The following PAX2 variants were observed in gnomAD, a reference collection of about 807,000 sequenced individuals.
PAX2 encodes paired box 2.
Under a neutral mutation model 41.7 loss-of-function variants are expected in PAX2, and 9 were observed. The ratio of observed to expected loss-of-function variants is 0.22; its 90% CI spans 0.13 to 0.38. The LOEUF is 0.38. PAX2 is among the 10% of genes least tolerant of loss of function. PAX2 has a pLI of 1.00. For synonymous variants in PAX2, 221 were observed against 212.7 expected (o/e 1.04, Z -0.34); for missense variants, 418 against 531.6 (o/e 0.79, Z 2.10).
intron 5 of PAX2, among the ~76,000 whole-genome samples, chr10:100,800,381 C>G (rs1332062465): frequency 2.0e-5 from 3 of 147,834 alleles, no homozygotes; most frequent in African/African-American, 2.5e-5. Flanking sequence ...CAGGCTTAAG[C>G]AATACTCCCG....
intron 5 of PAX2, among the ~76,000 whole-genome samples, chr10:100,792,248 T>C (rs929486649): frequency 1.3e-5 from 2 of 152,248 alleles, no homozygotes; most frequent in African/African-American, 4.8e-5. Context: ...TCTGGACTCT[T>C]CTTCACGTGC....
At position 100,750,107 on chromosome 10, in the gene PAX2, G is replaced by A. The variant is rs1209492073; in HGVS notation, c.212+193G>A. Among the ~76,000 whole-genome samples, 1 of 152,194 alleles carries A rather than the reference G, an allele frequency of 6.6e-6. No homozygotes were observed. Among genetic ancestry groups the A allele is most frequent in the Non-Finnish European group, 1.5e-5 (1 of 68,036 alleles). On this transcript the variant is annotated intron_variant, in intron 2 of 9. Coordinates refer to ENST00000355243, the MANE Select transcript of PAX2 (RefSeq NM_000278.5). The surrounding 1 kb of genome is among the most constrained non-coding windows in gnomAD (Gnocchi z 4.1). ...CTGAAGACCCAGGAGCGAGGGTGGC[G>A]CAGTGTCACCCAGTGCTTGCCCTGC...
At chr10:100,809,029 T>G (rs1847897419) in intron 6 of PAX2, 81 bp from the exon 7 acceptor site, 1 of 1,379,606 alleles carries the variant, frequency 7.2e-7, no homozygotes, top group Middle Eastern at 1.8e-4. Flanking sequence ...GGCTCCCCTG[T>G]TCCTCCTCCC....
chr10:100,778,307 C>T (rs765407028), intron 3 of PAX2, among the ~76,000 whole-genome samples: 6 of 152,308 alleles, frequency 3.9e-5, no homozygotes, highest in South Asian at 4.1e-4. Flanking sequence ...CGACTTCTTC[C>T]GCAGTTCCCT....
At position 100,748,066 on chromosome 10, in the gene PAX2, A is replaced by C; in HGVS notation, c.44-1680A>C. ...GAGTCGGTGCTGGCGGCCGTGGCGC[A>C]TTCCAGGCCCGACTCAGCGCCGACT... On this transcript the variant is annotated intron_variant, in intron 1 of 9. Coordinates refer to ENST00000355243, the MANE Select transcript of PAX2 (RefSeq NM_000278.5). This position sits in a 1 kb window ranked among gnomAD's most constrained non-coding sequence, Gnocchi z 5.0. 2.0e-6 allele frequency: 2 copies of C among 984,880 alleles called. No individual in the cohort carries two copies. Among genetic ancestry groups the C allele is most frequent in the Non-Finnish European group, 2.4e-6 (2 of 829,846 alleles). The allele number at this position is 984,880 out of a possible 1,614,324, so 61.0% of individuals were successfully genotyped here.
chr10:100,759,041 T>C (rs1418028979), intron 3 of PAX2, among the ~76,000 whole-genome samples: 3 of 151,986 alleles, frequency 2.0e-5, no homozygotes, highest in African/African-American at 7.3e-5. Flanking sequence ...GGCGCTGCCT[T>C]GGGCTGGACA....
intron 1 of PAX2, among the ~76,000 whole-genome samples, chr10:100,738,465 C>A (rs1384550727): frequency 6.6e-6 from 1 of 152,214 alleles, no homozygotes; most frequent in East Asian, 1.9e-4. Context: ...GCCTATACTA[C>A]CTTCGCCACC....
At chr10:100,736,936 C>A (rs1844792680) in intron 1 of PAX2, among the ~76,000 whole-genome samples, 1 of 152,214 alleles carries the variant, frequency 6.6e-6, no homozygotes, top group Non-Finnish European at 1.5e-5. Flanking sequence ...CTGTGCACCC[C>A]CTCGACCGTA....
chr10:100,786,968 C>T, intron 5 of PAX2: 1 of 1,390,058 alleles, frequency 7.2e-7, no homozygotes, highest in Non-Finnish European at 9.7e-7. Flanking sequence ...ATCCTGCCCA[C>T]ATTAGAGGAG....
At chr10:100,822,998 T>G (rs1564745546) in intron 7 of PAX2, among the ~76,000 whole-genome samples, 1 of 152,132 alleles carries the variant, frequency 6.6e-6, no homozygotes, top group Non-Finnish European at 1.5e-5. Flanking sequence ...AGGGGAAGAA[T>G]GTGGAGTCAG....
At chr10:100,742,557 T>A (rs1038421605), upstream of PAX2, among the ~76,000 whole-genome samples, 4 of 152,180 alleles carry the variant, frequency 2.6e-5, no homozygotes, top group Non-Finnish European at 4.4e-5. Flanking sequence ...GCAGATCAGA[T>A]GCACAGAGGC....
rs1288268963 is a variant in PAX2, at chr10:100,748,316, A to T, written c.44-1430A>T. ...GGGAGGGTGAGAAGTGGGGCTAGAG[A>T]TAGGGAGATTAACGGGGTGGGCAAG... is the stretch of plus-strand genomic sequence containing the variant. On this transcript the variant is annotated intron_variant, in intron 1 of 9. Transcript: ENST00000355243. This position sits in a 1 kb window ranked among gnomAD's most constrained non-coding sequence, Gnocchi z 5.0. 1.0e-6 allele frequency: 1 copy of T among 983,672 alleles called. No individual in the cohort carries two copies. Among genetic ancestry groups the T allele is most frequent in the Admixed American group, 6.2e-5 (1 of 16,202 alleles). 60.9% of individuals were successfully genotyped at this position (983,672 alleles called of 1,614,324 possible).
At chr10:100,793,134 C>A (rs747392712) in intron 5 of PAX2, among the ~76,000 whole-genome samples, 37 of 152,304 alleles carry the variant, frequency 2.4e-4, no homozygotes, top group Admixed American at 6.5e-4. Context: ...CTGCTGGAGC[C>A]AAACGGGGAC....
intron 3 of PAX2, among the ~76,000 whole-genome samples, chr10:100,764,856 A>G (rs1845965494): frequency 6.6e-6 from 1 of 152,154 alleles, no homozygotes; most frequent in Non-Finnish European, 1.5e-5. Context: ...GTGGGGAAAA[A>G]GTCCTTATTT....
chr10:100,741,593 C>G (rs1260650926), upstream of PAX2, among the ~76,000 whole-genome samples: 1 of 152,134 alleles, frequency 6.6e-6, no homozygotes, highest in South Asian at 2.1e-4. Flanking sequence ...GGTATGCGCC[C>G]TGGGGTGCGC....
At chr10:100,760,038 T>G (rs183036344) in intron 3 of PAX2, among the ~76,000 whole-genome samples, 150 of 152,288 alleles carry the variant, frequency 9.8e-4, no homozygotes, top group Admixed American at 1.6e-3. Flanking sequence ...GCTTTGATCC[T>G]GATTTTGGAG....
chr10:100,771,765 A>C (rs1846217904), intron 3 of PAX2, among the ~76,000 whole-genome samples: 1 of 151,750 alleles, frequency 6.6e-6, no homozygotes, highest in Admixed American at 6.6e-5. Context: ...AGCAATAACC[A>C]CCTGCATTAG....
At chr10:100,819,270 T>C (rs1412548689) in intron 7 of PAX2, among the ~76,000 whole-genome samples, 1 of 120,860 alleles carries the variant, frequency 8.3e-6, no homozygotes, top group African/African-American at 3.2e-5. Context: ...GGGGGGGGAG[T>C]TTAAAAACAT....
At chr10:100,783,694 G>A (rs1043321752) in intron 5 of PAX2, among the ~76,000 whole-genome samples, 2 of 138,000 alleles carry the variant, frequency 1.4e-5, no homozygotes, top group Admixed American at 7.8e-5. Context: ...AGCAGGAGTA[G>A]TCTGAGCAGG....
Sources: allele counts gnomAD v4.1 joint callset (sites outside exome capture counted in the v4.1 genomes callset), GRCh38; gene constraint gnomAD v4.1.1; non-coding constraint Gnocchi (gnomAD v3.1); transcripts MANE v1.5; gene names NCBI Gene and HGNC (gene_info 2026-07-23, HGNC 2026-07-21).